Variants in LOXHD1 observed in about 807,000 individuals in gnomAD.
The protein encoded by LOXHD1 is lipoxygenase homology domain-containing protein 1.
In LOXHD1, 205 loss-of-function variants were observed where a neutral mutation model predicts 248.2. The observed-to-expected ratio is 0.83, with a 90% confidence interval of 0.74 to 0.93. The LOEUF (loss-of-function observed/expected upper bound fraction) is 0.93, where lower values mean the gene tolerates loss of function less well. Among genes scored for constraint, LOXHD1 ranks in the 40% least tolerant of loss-of-function variants. The pLI is 0.00. For missense variants in LOXHD1, 2,930 were observed against 2,971.6 expected (o/e 0.99, Z 0.33); for synonymous variants, 1,113 against 1,162.8 (o/e 0.96, Z 0.87).
intron 36 of LOXHD1, among the ~76,000 whole-genome samples, chr18:46,506,918 C>A (rs563378316): frequency 4.3e-4 from 66 of 152,294 alleles, no homozygotes; most frequent in Non-Finnish European, 7.9e-4. Flanking sequence ...GTACTGCCCC[C>A]ATGCCTGGAT....
chr18:46,555,278 G>C (rs777931862), intron 21 of LOXHD1: 8 of 444,930 alleles, frequency 1.8e-5, no homozygotes, highest in South Asian at 4.9e-5. Context: ...TTTATCAGAA[G>C]AGGAAACAAA....
intron 38 of LOXHD1, among the ~76,000 whole-genome samples, chr18:46,486,030 T>G (rs1351769068): frequency 6.6e-6 from 1 of 151,762 alleles, no homozygotes; most frequent in East Asian, 1.9e-4. Context: ...TCATCCTTAC[T>G]CAAAAGTCAT....
chr18:46,577,341 T>TA (rs948513698), intron 14 of LOXHD1, among the ~76,000 whole-genome samples: 4 of 152,116 alleles, frequency 2.6e-5, no homozygotes, highest in East Asian at 3.9e-4. Context: ...TTATTTAAAT[T>TA]AAAAAAAAAC....
intron 37 of LOXHD1, among the ~76,000 whole-genome samples, chr18:46,490,687 C>T (rs1285255915): frequency 1.3e-5 from 2 of 152,218 alleles, no homozygotes; most frequent in Non-Finnish European, 2.9e-5. Context: ...GTTGGTCAGG[C>T]TGGTCTCGAA....
intron 17 of LOXHD1, among the ~76,000 whole-genome samples, chr18:46,565,041 A>G (rs1029879260): frequency 1.3e-5 from 2 of 152,048 alleles, no homozygotes; most frequent in Non-Finnish European, 2.9e-5. Context: ...AGGCGGGTGG[A>G]TCACTGGGGG....
intron 17 of LOXHD1, among the ~76,000 whole-genome samples, chr18:46,565,030 A>G (rs188635799): frequency 1.2e-4 from 18 of 152,260 alleles, no homozygotes; most frequent in African/African-American, 4.1e-4. Context: ...TTGGGAGCCC[A>G]AGGCGGGTGG....
At chr18:46,592,255 C>G (rs2038184258) in intron 11 of LOXHD1, among the ~76,000 whole-genome samples, 187 bp from the exon 12 acceptor site, 1 of 142,084 alleles carries the variant, frequency 7.0e-6, no homozygotes, top group African/African-American at 2.6e-5. Flanking sequence ...TGCCTAGCAA[C>G]CAGATGACTA....
chr18:46,577,755 C>T lies in LOXHD1; in HGVS notation c.1922G>A (p.Arg641Lys). The T allele has an allele frequency of 6.4e-7, 1 of 1,551,680 alleles. No individual in the cohort carries two copies. The highest frequency in any genetic ancestry group is 8.7e-7 in the Non-Finnish European group (1 of 1,146,984). ...GTCGCTCTCAGGCTGCCCCTCCTCTCTCACCAGCACTCTGTCCAGGTACCA... is the reference window on the plus strand; with the variant it reads ...GTCGCTCTCAGGCTGCCCCTCCTCTTTCACCAGCACTCTGTCCAGGTACCA... ...SGWYLDRVLV[R>K]EEGQPESDNV... The change falls in exon 14 of 41, where the codon AGA becomes AAA. Residue 641 changes from arginine (R) to lysine (K), a missense_variant. Transcript: ENST00000642948.
At chr18:46,648,707 G>A (rs1206230048) in intron 2 of LOXHD1, among the ~76,000 whole-genome samples, 2 of 152,196 alleles carry the variant, frequency 1.3e-5, no homozygotes, top group African/African-American at 4.8e-5. Context: ...GGCTAGCTGA[G>A]TGTGCAATGG....
At chr18:46,562,975 G>T in intron 18 of LOXHD1, 90 bp downstream of exon 18, 13 of 1,430,376 alleles carry the variant, frequency 9.1e-6, no homozygotes, top group Non-Finnish European at 1.2e-5. Flanking sequence ...TCTCGGGTGA[G>T]TATTGACTGA....
chr18:46,545,177 C>G, intron 23 of LOXHD1, 140 bp downstream of exon 23: 1 of 649,050 alleles, frequency 1.5e-6, no homozygotes, highest in South Asian at 2.0e-5. Context: ...AAGGAACTGC[C>G]TTTCTCGATG....
intron 6 of LOXHD1, among the ~76,000 whole-genome samples, chr18:46,609,476 T>G (rs78055833): frequency 0.012 from 1,795 of 152,362 alleles, 42 homozygotes; most frequent in East Asian, 0.073. Flanking sequence ...ACAGTCAAGT[T>G]GTTATAAATC....
Position 46,566,275 on chromosome 18 carries a change from C to A in LOXHD1, c.2419G>T (p.Val807Leu). The stretch of plus-strand genomic sequence containing the variant: ...TCCATACATTTCTGGATCTCCACCA[C>A]CTCGCTGGGATACAGCTCCACCTCC... Reference protein sequence around the residue: ...RLEVELYPSEVVEIQKLVHYE... With the variant: ...RLEVELYPSELVEIQKLVHYE... The change falls in exon 17 of 41, where the codon GTG becomes TTG. Residue 807 changes from valine (V) to leucine (L), a missense_variant. Transcript: ENST00000642948. The A allele has an allele frequency of 3.2e-6, 5 of 1,550,314 alleles. No individual in the cohort carries two copies. The highest frequency in any genetic ancestry group is 4.4e-6 in the Non-Finnish European group (5 of 1,145,598).
intron 5 of LOXHD1, among the ~76,000 whole-genome samples, chr18:46,614,851 A>T (rs1599051068): frequency 6.6e-6 from 1 of 152,298 alleles, no homozygotes. Context: ...ACTAGGACAC[A>T]TTACCTTTTT....
intron 40 of LOXHD1, among the ~76,000 whole-genome samples, chr18:46,478,327 G>A (rs914331063): frequency 6.6e-6 from 1 of 152,038 alleles, no homozygotes; most frequent in African/African-American, 2.4e-5. Flanking sequence ...GGGATTACAG[G>A]CGTGAGCCAC....
chr18:46,479,358 C>G (rs1397992018), intron 40 of LOXHD1, among the ~76,000 whole-genome samples: 2 of 151,356 alleles, frequency 1.3e-5, no homozygotes, highest in Non-Finnish European at 2.9e-5. Context: ...AGAGAATGGT[C>G]TTGGACCAAG....
intron 2 of LOXHD1, among the ~76,000 whole-genome samples, chr18:46,648,154 A>G (rs1179921300): frequency 2.6e-5 from 4 of 152,188 alleles, no homozygotes; most frequent in Non-Finnish European, 5.9e-5. Context: ...GCTACTCCGG[A>G]GGCTGAGGCA....
At chr18:46,525,826 A>G (rs747291929) in intron 29 of LOXHD1, among the ~76,000 whole-genome samples, 1 of 152,138 alleles carries the variant, frequency 6.6e-6, no homozygotes, top group Non-Finnish European at 1.5e-5. Flanking sequence ...GATGAATAGA[A>G]TAGGATGCCC....
intron 6 of LOXHD1, among the ~76,000 whole-genome samples, chr18:46,607,121 A>G (rs921942474): frequency 7.9e-5 from 12 of 151,826 alleles, no homozygotes; most frequent in African/African-American, 2.9e-4. Context: ...GTGAGCCAAG[A>G]TTGTGCCACT....
Sources: gnomAD v4.1 joint callset for allele counts (sites outside exome capture counted in the v4.1 genomes callset) on GRCh38, gnomAD v4.1.1 for gene constraint, MANE v1.5 for transcripts, NCBI Gene and HGNC (gene_info 2026-07-23, HGNC 2026-07-21) for gene names.